Variants in ZNF827 observed in about 807,000 individuals in gnomAD.
ZNF827 encodes zinc finger protein 827.
In ZNF827, 13 loss-of-function variants were observed where a neutral mutation model predicts 102.4. That is an observed-to-expected ratio of 0.13 (90% CI 0.08 to 0.20). The LOEUF (loss-of-function observed/expected upper bound fraction) is 0.20, where lower values mean the gene tolerates loss of function less well. Among genes scored for constraint, ZNF827 ranks in the 10% least tolerant of loss-of-function variants. The pLI, the probability that ZNF827 is intolerant of heterozygous loss-of-function variation, is 1.00. For synonymous variants in ZNF827, 523 were observed against 536.2 expected (o/e 0.98, Z 0.34); for missense variants, 1,103 against 1,344.4 (o/e 0.82, Z 2.81).
intron 3 of ZNF827, among the ~76,000 whole-genome samples, chr4:145,890,249 G>A (rs1206250695): frequency 2.0e-5 from 3 of 152,150 alleles, no homozygotes; most frequent in Admixed American, 1.3e-4. Flanking sequence ...CACACTTCCC[G>A]TATCAAAAGC....
At chr4:145,781,644 T>TA (rs962045795) in intron 8 of ZNF827, among the ~76,000 whole-genome samples, 33 of 150,554 alleles carry the variant, frequency 2.2e-4, no homozygotes, top group East Asian at 7.8e-4. Context: ...TGAAGAGAAG[T>TA]AAAAAAAAAG....
At chr4:145,903,840 C>T (rs1486985646) in intron 1 of ZNF827, among the ~76,000 whole-genome samples, 1 of 152,188 alleles carries the variant, frequency 6.6e-6, no homozygotes, top group Non-Finnish European at 1.5e-5. Flanking sequence ...GTTTTGAAAA[C>T]AGTCAAGTAC....
At chr4:145,844,501 G>A (rs188185845) in intron 7 of ZNF827, among the ~76,000 whole-genome samples, 1,529 of 151,348 alleles carry the variant, frequency 0.01, 109 homozygotes, top group Admixed American at 0.094. Flanking sequence ...GCAACATGGC[G>A]AAACCCTGTC....
chr4:145,900,960 A>G (rs903907052), intron 2 of ZNF827, among the ~76,000 whole-genome samples: 3 of 152,186 alleles, frequency 2.0e-5, no homozygotes, highest in Admixed American at 1.3e-4. Context: ...TGGAGAGAAC[A>G]GTTTGGATCA....
chr4:145,757,757 C>T lies in ZNF827; in HGVS notation c.*3859G>A, dbSNP rs979499473. On this transcript the variant is annotated 3_prime_UTR_variant, in exon 15 of 15. Coordinates refer to ENST00000508784, the MANE Select transcript of ZNF827 (RefSeq NM_001306215.2). ...CTGTCAAAATGACCCTGTACAGCCT[C>T]GTAATGCAAAAAGCTTTATACAATA... 8 of 150,868 alleles carry T rather than the reference C, an allele frequency of 5.3e-5. No homozygotes were observed. Among genetic ancestry groups the T allele is most frequent in the Non-Finnish European group, 8.8e-5 (6 of 67,840 alleles). The allele number at this position is 150,868 out of a possible 1,614,324, so 9.3% of individuals were successfully genotyped here.
chr4:145,781,748 C>T (rs1285166688), intron 8 of ZNF827, among the ~76,000 whole-genome samples: 1 of 152,190 alleles, frequency 6.6e-6, no homozygotes, highest in African/African-American at 2.4e-5. Flanking sequence ...TTCAGTATAT[C>T]AGTAGCTCCT....
intron 1 of ZNF827, among the ~76,000 whole-genome samples, chr4:145,922,428 C>A (rs1218416894): frequency 1.3e-5 from 2 of 152,184 alleles, no homozygotes; most frequent in Non-Finnish European, 2.9e-5. Context: ...ATCACAGCAA[C>A]AGCAATAAAT....
At chr4:145,914,062 GACACACACACAC>G (rs34866639) in intron 1 of ZNF827, among the ~76,000 whole-genome samples, 3 of 148,110 alleles carry the variant, frequency 2.0e-5, no homozygotes, top group Non-Finnish European at 4.5e-5. Flanking sequence ...TTTCTTTGTA[GACACACACACAC>G]ACACACACAC....
chr4:145,793,311 T>TTATA (rs1444383280), intron 8 of ZNF827, among the ~76,000 whole-genome samples: 2 of 730 alleles, frequency 2.7e-3, no homozygotes, highest in South Asian at 0.083. Context: ...TTATATATAC[T>TTATA]TATATATAAT....
intron 8 of ZNF827, among the ~76,000 whole-genome samples, chr4:145,810,417 T>A (rs892643907): frequency 6.6e-6 from 1 of 152,220 alleles, no homozygotes; most frequent in East Asian, 1.9e-4. Flanking sequence ...TTTCCCACTT[T>A]ACTTTTTTAA....
intron 8 of ZNF827, among the ~76,000 whole-genome samples, chr4:145,786,830 T>A (rs970685706): frequency 6.6e-6 from 1 of 152,114 alleles, no homozygotes; most frequent in African/African-American, 2.4e-5. Flanking sequence ...TTTTTCAGAG[T>A]CATTTCAATT....
intron 8 of ZNF827, among the ~76,000 whole-genome samples, chr4:145,798,487 G>A (rs1164225937): frequency 6.6e-6 from 1 of 152,140 alleles, no homozygotes; most frequent in Non-Finnish European, 1.5e-5. Flanking sequence ...CCAATGTGGT[G>A]AAACCTCGTC....
At position 145,760,708 on chromosome 4, in the gene ZNF827, T is replaced by G; in HGVS notation, c.*908A>C. ...CAACATACACCTGCTGGGGTTGTGTTTAAGTTTTGTGGTTTTTTTTTTTTT... is the reference window on the plus strand; with the variant it reads ...CAACATACACCTGCTGGGGTTGTGTGTAAGTTTTGTGGTTTTTTTTTTTTT... On this transcript the variant is annotated 3_prime_UTR_variant, in exon 15 of 15. Coordinates refer to ENST00000508784, the MANE Select transcript of ZNF827 (RefSeq NM_001306215.2). The G allele has an allele frequency of 9.7e-7, 1 of 1,034,856 alleles. No homozygotes were observed. The highest frequency in any genetic ancestry group is 1.2e-6 in the Non-Finnish European group (1 of 847,826). 64.1% of individuals were successfully genotyped at this position (1,034,856 alleles called of 1,614,324 possible). A position where few individuals can be genotyped will look rare whatever the true frequency, so the allele number is the denominator to read the frequency against.
chr4:145,856,485 C>A (rs138309429), intron 5 of ZNF827, among the ~76,000 whole-genome samples: 1 of 152,256 alleles, frequency 6.6e-6, no homozygotes, highest in South Asian at 2.1e-4. Flanking sequence ...CAGAGAGAGG[C>A]GATGCAAGCC....
intron 7 of ZNF827, among the ~76,000 whole-genome samples, chr4:145,834,388 G>A (rs963013053): frequency 5.9e-5 from 9 of 151,928 alleles, no homozygotes; most frequent in Non-Finnish European, 1.3e-4. Context: ...CTTTTCTACA[G>A]ACCCATCTGA....
chr4:145,859,304 A>C (rs1747480220), intron 5 of ZNF827, among the ~76,000 whole-genome samples: 1 of 152,220 alleles, frequency 6.6e-6, no homozygotes, highest in Non-Finnish European at 1.5e-5. Flanking sequence ...ATATCTGCTG[A>C]ATGAAAGAAT....
Position 145,845,971 on chromosome 4 carries a change from A to G in ZNF827, c.2264T>C (p.Ile755Thr), listed in dbSNP as rs774702394. ...KEHNHTKENTIRTTTSPFFSE... is the reference protein window; with the variant it reads ...KEHNHTKENTTRTTTSPFFSE... ...AGTCGCCTACCTGGTCGTGGTCCGG[A>G]TGGTGTTTTCTTTTGTATGATTGTG... The change falls in exon 7 of 15, where the codon ATC becomes ACC. Residue 755 changes from isoleucine (I) to threonine (T), a missense_variant. Around this residue, in one of 5 missense-constraint regions of ZNF827, gnomAD observed 243 missense variants for 251.6 expected, o/e 0.97. Transcript: ENST00000508784. 2 of 1,614,156 alleles carry G rather than the reference A, an allele frequency of 1.2e-6. No individual in the cohort carries two copies. Among genetic ancestry groups the G allele is most frequent in the Non-Finnish European group, 8.5e-7 (1 of 1,180,034 alleles).
chr4:145,774,376 A>G (rs1337486769), intron 11 of ZNF827, 130 bp downstream of exon 11: 16 of 1,028,080 alleles, frequency 1.6e-5, no homozygotes, highest in Non-Finnish European at 2.3e-5. Flanking sequence ...ATGCCTTGGG[A>G]AAGTCCTTCC....
chr4:145,791,832 A>T (rs2127059293), intron 8 of ZNF827, among the ~76,000 whole-genome samples: 1 of 152,356 alleles, frequency 6.6e-6, no homozygotes, highest in African/African-American at 2.4e-5. Context: ...CTCATTTTAT[A>T]GATGAGACAA....
Sources: allele counts gnomAD v4.1 joint callset (sites outside exome capture counted in the v4.1 genomes callset), GRCh38; gene constraint gnomAD v4.1.1; regional missense constraint gnomAD v4.1.1; transcripts MANE v1.5; gene names NCBI Gene and HGNC (gene_info 2026-07-23, HGNC 2026-07-21).